The following GRIK4 variants were observed in gnomAD, a reference collection of about 807,000 sequenced individuals.
GRIK4 encodes the protein glutamate ionotropic receptor kainate type subunit 4.
GRIK4 carries 40 observed loss-of-function variants against 104.9 expected under a neutral mutation model. The ratio of observed to expected loss-of-function variants is 0.38; its 90% CI spans 0.30 to 0.50. GRIK4 has a LOEUF of 0.50. GRIK4 is among the 20% of genes least tolerant of loss of function. The pLI, the probability that GRIK4 is intolerant of heterozygous loss-of-function variation, is 0.93. For missense variants in GRIK4, 1,047 were observed against 1,308.1 expected, an observed-to-expected ratio of 0.80 and a Z score of 3.08; for synonymous variants, 485 against 524.9, an observed-to-expected ratio of 0.92 and a Z score of 1.04.
intron 1 of GRIK4, among the ~76,000 whole-genome samples, chr11:120,637,064 G>A (rs1949407000): frequency 2.0e-5 from 3 of 152,072 alleles, no homozygotes. Context: ...GCATTTGATG[G>A]CCAGCAGGAG....
intron 13 of GRIK4, among the ~76,000 whole-genome samples, chr11:120,921,905 GT>G (rs1178467607): frequency 6.6e-6 from 1 of 152,164 alleles, no homozygotes; most frequent in African/African-American, 2.4e-5. Context: ...TGGTCCAACT[GT>G]CTTTAGGATA....
Position 120,623,208 on chromosome 11 carries a change from T to A in GRIK4, c.-158-30477T>A, listed in dbSNP as rs369858294. 3.8e-4 allele frequency among the ~76,000 whole-genome samples: 58 copies of A among 152,304 alleles called. No homozygotes were observed. The East Asian group carries it at 6.4e-3, about 17-fold the overall frequency. ...CCCAGGCTGGAGTGCAGTGGTGTGA[T>A]CATAGCTCACTGCACCCTCATTCTC... On this transcript the variant is annotated intron_variant, in intron 1 of 20. Coordinates refer to ENST00000527524, the MANE Select transcript of GRIK4 (RefSeq NM_014619.5).
At chr11:120,974,320 T>G (rs1254976093) in intron 19 of GRIK4, among the ~76,000 whole-genome samples, 1 of 152,160 alleles carries the variant, frequency 6.6e-6, no homozygotes, top group Non-Finnish European at 1.5e-5. Context: ...AGCTCTAAAT[T>G]TGTTTTTTAG....
At chr11:120,715,455 A>T (rs574955308) in intron 3 of GRIK4, among the ~76,000 whole-genome samples, 1 of 152,264 alleles carries the variant, frequency 6.6e-6, no homozygotes, top group South Asian at 2.1e-4. Flanking sequence ...ACCCCCCTAG[A>T]GGTTGTTCTG....
intron 3 of GRIK4, among the ~76,000 whole-genome samples, chr11:120,670,166 G>T (rs886826468): frequency 6.6e-6 from 1 of 152,166 alleles, no homozygotes; most frequent in South Asian, 2.1e-4. Context: ...ACCCAACTGC[G>T]TCTCACCACC....
At chr11:120,790,484 A>G (rs2135490834) in intron 3 of GRIK4, among the ~76,000 whole-genome samples, 1 of 152,244 alleles carries the variant, frequency 6.6e-6, no homozygotes, top group East Asian at 1.9e-4. Context: ...GGTTTTAAAA[A>G]ACAGCTGAGT....
At position 120,831,888 on chromosome 11, in the gene GRIK4, T is replaced by G. The variant is rs1953436803; in HGVS notation, c.548T>G (p.Leu183Arg). The G allele has an allele frequency of 1.2e-5, 19 of 1,613,942 alleles. No homozygotes were observed. The highest frequency in any genetic ancestry group is 1.6e-5 in the Non-Finnish European group (19 of 1,179,922). The change falls in exon 7 of 21, where the codon CTT becomes CGT. Residue 183 changes from leucine (L) to arginine (R), a missense_variant. Around this residue, in one of 3 missense-constraint regions of GRIK4, gnomAD observed 447 missense variants for 514.9 expected, o/e 0.87. Transcript: ENST00000527524. ...LNLEKLLRQF[L>R]ISKDTLSVRM... Reference sequence around the variant, plus strand: ...CTAGAGAAGCTGCTCCGGCAATTCCTTATCTCCAAGGACACGCTGTCCGTC... The same window carrying G: ...CTAGAGAAGCTGCTCCGGCAATTCCGTATCTCCAAGGACACGCTGTCCGTC...
chr11:120,678,194 G>A (rs1183389529), intron 3 of GRIK4, among the ~76,000 whole-genome samples: 1 of 152,192 alleles, frequency 6.6e-6, no homozygotes, highest in Admixed American at 6.5e-5. Flanking sequence ...GACAACCTCC[G>A]TTTCTTTAGG....
At chr11:120,633,818 G>T (rs1949362339) in intron 1 of GRIK4, among the ~76,000 whole-genome samples, 1 of 152,152 alleles carries the variant, frequency 6.6e-6, no homozygotes, top group South Asian at 2.1e-4. Flanking sequence ...GGGAAGTGTG[G>T]CTGGGCATGG....
chr11:120,586,836 G>A (rs529969431), intron 1 of GRIK4, among the ~76,000 whole-genome samples: 1 of 152,160 alleles, frequency 6.6e-6, no homozygotes, highest in African/African-American at 2.4e-5. Flanking sequence ...CCTGATGTGT[G>A]GTTAGGATCA....
intron 1 of GRIK4, among the ~76,000 whole-genome samples, chr11:120,570,280 A>T (rs1304708698): frequency 6.6e-6 from 1 of 152,214 alleles, no homozygotes; most frequent in Non-Finnish European, 1.5e-5. Flanking sequence ...AAAGGCTTAT[A>T]ACAATATTCA....
intron 3 of GRIK4, among the ~76,000 whole-genome samples, chr11:120,683,142 G>A (rs1950224028): frequency 6.6e-6 from 1 of 152,076 alleles, no homozygotes; most frequent in Non-Finnish European, 1.5e-5. Flanking sequence ...TCCATAAACT[G>A]TTGCATGAAC....
chr11:120,541,557 G>A (rs1387751753), intron 1 of GRIK4, among the ~76,000 whole-genome samples: 1 of 151,970 alleles, frequency 6.6e-6, no homozygotes, highest in Non-Finnish European at 1.5e-5. Context: ...GCAGTGGTGT[G>A]ACCATGGCTC....
At chr11:120,770,323 T>G (rs879404945) in intron 3 of GRIK4, among the ~76,000 whole-genome samples, 16 of 152,222 alleles carry the variant, frequency 1.1e-4, no homozygotes, top group Non-Finnish European at 1.6e-4. Flanking sequence ...ATAGTGAAAG[T>G]TAATGAGGGC....
chr11:120,954,914 C>G (rs914968588), intron 15 of GRIK4, among the ~76,000 whole-genome samples: 3 of 151,984 alleles, frequency 2.0e-5, no homozygotes, highest in Non-Finnish European at 4.4e-5. Flanking sequence ...CTCCTGGGAG[C>G]AACCAGAGCC....
chr11:120,626,427 G>A (rs561101711), intron 1 of GRIK4, among the ~76,000 whole-genome samples: 5 of 152,132 alleles, frequency 3.3e-5, no homozygotes, highest in Admixed American at 6.5e-5. Flanking sequence ...AAACTGATGC[G>A]CTTCCCTACC....
intron 3 of GRIK4, among the ~76,000 whole-genome samples, chr11:120,701,830 A>C (rs1191830491): frequency 6.6e-6 from 1 of 152,140 alleles, no homozygotes; most frequent in Non-Finnish European, 1.5e-5. Context: ...ATGCAGCAGT[A>C]AAGGTGGTAA....
intron 1 of GRIK4, among the ~76,000 whole-genome samples, chr11:120,599,985 G>A (rs529298065): frequency 6.6e-6 from 1 of 152,348 alleles, no homozygotes; most frequent in East Asian, 1.9e-4. Context: ...GCTTTCTCAT[G>A]CTGGCATGAG....
In GRIK4 at chr11:120,901,108, T is replaced by C. The variant is rs1192026094; in HGVS notation, c.1272+2469T>C. ...CTCTGCTGGCAGGCTCCCTTCTTTG[T>C]CTGCCTGTCCCCCGACCCTCCTGTC... On this transcript the variant is annotated intron_variant, in intron 12 of 20. Transcript: ENST00000527524. Among the ~76,000 whole-genome samples the C allele has an allele frequency of 2.6e-5, 4 of 152,212 alleles. No individual in the cohort carries two copies. In the East Asian group the frequency reaches 7.7e-4, roughly 29 times the overall value.
Sources: allele counts gnomAD v4.1 joint callset (sites outside exome capture counted in the v4.1 genomes callset), GRCh38; gene constraint gnomAD v4.1.1; regional missense constraint gnomAD v4.1.1; transcripts MANE v1.5; gene names NCBI Gene and HGNC (gene_info 2026-07-23, HGNC 2026-07-21).